Variants in HDAC9 observed in about 807,000 individuals in gnomAD.
HDAC9 encodes histone deacetylase 9, also known as MEF-2 interacting transcription repressor (MITR) protein.
A neutral mutation model predicts 139.4 loss-of-function variants in HDAC9; 41 were observed. The observed-to-expected ratio is 0.29, with a 90% confidence interval of 0.23 to 0.38. HDAC9 has a LOEUF of 0.38. HDAC9 is among the 10% of genes least tolerant of loss of function. HDAC9 has a pLI of 1.00. For missense variants in HDAC9, 1,147 were observed against 1,297.0 expected, an observed-to-expected ratio of 0.88 and a Z score of 1.78; for synonymous variants, 517 against 476.2, an observed-to-expected ratio of 1.09 and a Z score of -1.12.
At chr7:18,110,576 C>T (rs73075260) in intron 1 of HDAC9, among the ~76,000 whole-genome samples, 9,279 of 152,126 alleles carry the variant, frequency 0.061, 436 homozygotes, top group Admixed American at 0.12. Flanking sequence ...GGCTGGGAAG[C>T]CAGATGGAGT....
At chr7:18,402,892 A>C (rs1562954913) in intron 1 of HDAC9, among the ~76,000 whole-genome samples, 1 of 152,214 alleles carries the variant, frequency 6.6e-6, no homozygotes, top group South Asian at 2.1e-4. Flanking sequence ...TCTAAAAAAA[A>C]TCCACAGGAA....
At chr7:18,209,932 C>T (rs1370715484) in intron 2 of HDAC9, among the ~76,000 whole-genome samples, 2 of 152,078 alleles carry the variant, frequency 1.3e-5, no homozygotes, top group East Asian at 3.9e-4. Flanking sequence ...GATCTCCTGA[C>T]CTCGTGATCC....
chr7:18,293,588 T>C (rs1463556587), intron 1 of HDAC9, among the ~76,000 whole-genome samples: 1 of 152,164 alleles, frequency 6.6e-6, no homozygotes, highest in Non-Finnish European at 1.5e-5. Flanking sequence ...TTCCATCATC[T>C]TGGTTTTTTT....
At chr7:18,883,555 A>G (rs983225675) in intron 22 of HDAC9, among the ~76,000 whole-genome samples, 13 of 152,148 alleles carry the variant, frequency 8.5e-5, no homozygotes, top group African/African-American at 3.1e-4. Flanking sequence ...AATAAAAGCC[A>G]TATATGATAA....
At chr7:18,536,828 G>C (rs1449060685) in intron 2 of HDAC9, among the ~76,000 whole-genome samples, 1 of 152,086 alleles carries the variant, frequency 6.6e-6, no homozygotes, top group Non-Finnish European at 1.5e-5. Context: ...ATACTAGGGA[G>C]GGTATTAAAT....
intron 2 of HDAC9, among the ~76,000 whole-genome samples, chr7:18,181,995 G>A (rs987053255): frequency 6.6e-6 from 1 of 152,194 alleles, no homozygotes; most frequent in Non-Finnish European, 1.5e-5. Context: ...CTTGATGGAT[G>A]TGTAAAATTT....
At chr7:18,452,649 G>A (rs969511891) in intron 1 of HDAC9, among the ~76,000 whole-genome samples, 1 of 152,102 alleles carries the variant, frequency 6.6e-6, no homozygotes, top group African/African-American at 2.4e-5. Flanking sequence ...CTCAGTGGGA[G>A]GTAATTGAAT....
intron 16 of HDAC9, among the ~76,000 whole-genome samples, chr7:18,789,185 T>C (rs1163561470): frequency 6.6e-6 from 1 of 152,078 alleles, no homozygotes; most frequent in African/African-American, 2.4e-5. Context: ...AGCAAAATCC[T>C]GTTTTGGTCA....
At chr7:18,198,877 T>TA (rs1314818927) in intron 2 of HDAC9, among the ~76,000 whole-genome samples, 2 of 152,172 alleles carry the variant, frequency 1.3e-5, no homozygotes, top group Non-Finnish European at 2.9e-5. Context: ...ATTTTTTTTT[T>TA]ATCAAATAGA....
intron 2 of HDAC9, among the ~76,000 whole-genome samples, chr7:18,194,468 C>G (rs929482111): frequency 2.0e-5 from 3 of 152,106 alleles, no homozygotes; most frequent in African/African-American, 4.8e-5. Context: ...ATTTGCCACC[C>G]TCACCGTTGT....
intron 1 of HDAC9, among the ~76,000 whole-genome samples, chr7:18,473,145 C>A (rs1477896451): frequency 6.6e-6 from 1 of 152,146 alleles, no homozygotes; most frequent in Non-Finnish European, 1.5e-5. Flanking sequence ...GGATCGCCAG[C>A]ATTACTTAAC....
chr7:18,220,853 C>G (rs532983658), intron 2 of HDAC9, among the ~76,000 whole-genome samples: 1 of 152,204 alleles, frequency 6.6e-6, no homozygotes, highest in African/African-American at 2.4e-5. Flanking sequence ...CAATCAGATT[C>G]CAAACACTGG....
chr7:18,458,958 G>A, intron 1 of HDAC9: 3 of 1,226,310 alleles, frequency 2.4e-6, no homozygotes, highest in Non-Finnish European at 3.5e-6. Context: ...CTGAACATGA[G>A]TGGGTGACTT....
chr7:18,413,245 A>G lies in HDAC9; in HGVS notation c.-41-83017A>G, dbSNP rs540918165. ...AAAAAAGGAAAGTAGAGCAGAAGGA[A>G]GCCCAGACGTCTCAGTTTTAATTTG... is the stretch of plus-strand genomic sequence containing the variant. On this transcript the variant is annotated intron_variant, in intron 1 of 3. Transcript: ENST00000413509. 2.0e-5 allele frequency among the ~76,000 whole-genome samples: 3 copies of G among 152,296 alleles called. No individual in the cohort carries two copies. In the South Asian group the frequency reaches 6.2e-4, roughly 32 times the overall value.
intron 1 of HDAC9, among the ~76,000 whole-genome samples, chr7:18,333,510 T>C (rs1021815964): frequency 2.0e-5 from 3 of 151,472 alleles, no homozygotes; most frequent in Non-Finnish European, 3.0e-5. Context: ...CATCAGGATA[T>C]AAACCTCAAA....
At chr7:18,649,214 T>C (rs1001201157) in intron 11 of HDAC9, among the ~76,000 whole-genome samples, 1 of 152,186 alleles carries the variant, frequency 6.6e-6, no homozygotes, top group Non-Finnish European at 1.5e-5. Context: ...TTAATGTTGC[T>C]AAAATAGACA....
intron 1 of HDAC9, among the ~76,000 whole-genome samples, chr7:18,293,765 G>A (rs1797968890): frequency 6.6e-6 from 1 of 152,028 alleles, no homozygotes; most frequent in Admixed American, 6.6e-5. Context: ...GTAATTTCTG[G>A]TGGGGTTGGT....
At chr7:18,125,440 T>TGC (rs760120195) in intron 1 of HDAC9, among the ~76,000 whole-genome samples, 1 of 151,834 alleles carries the variant, frequency 6.6e-6, no homozygotes, top group Non-Finnish European at 1.5e-5. Flanking sequence ...TGCGTGTGTG[T>TGC]GTGTGTGTGT....
intron 17 of HDAC9, among the ~76,000 whole-genome samples, chr7:18,824,820 A>G (rs1795288774): frequency 6.6e-6 from 1 of 152,246 alleles, no homozygotes; most frequent in Non-Finnish European, 1.5e-5. Flanking sequence ...ATGTAAGAAT[A>G]ATTACTGGAG....
Sources: gnomAD v4.1 joint callset for allele counts (sites outside exome capture counted in the v4.1 genomes callset) on GRCh38, gnomAD v4.1.1 for gene constraint, MANE v1.5 for transcripts, NCBI Gene and HGNC (gene_info 2026-07-23, HGNC 2026-07-21) for gene names.